The following CALN1 variants were observed in gnomAD, a reference collection of about 807,000 sequenced individuals.
The protein encoded by CALN1 is calcium-binding protein 8.
CALN1 carries 17 observed loss-of-function variants against 30.6 expected under a neutral mutation model. The observed-to-expected ratio is 0.56, with a 90% confidence interval of 0.38 to 0.83. The LOEUF is 0.83. CALN1 is among the 40% of genes least tolerant of loss of function. CALN1 has a pLI of 0.00. For missense variants in CALN1, 291 were observed against 354.9 expected, an observed-to-expected ratio of 0.82 and a Z score of 1.45; for synonymous variants, 156 against 131.4, an observed-to-expected ratio of 1.19 and a Z score of -1.28.
chr7:72,353,257 T>TCC (rs1803038169), intron 2 of CALN1, among the ~76,000 whole-genome samples: 1 of 151,686 alleles, frequency 6.6e-6, no homozygotes, highest in South Asian at 2.1e-4. Flanking sequence ...GGCTACTGTC[T>TCC]CTCTGTTATC....
At position 71,787,856 on chromosome 7, in the gene CALN1, G is replaced by C. The variant is rs759232948; in HGVS notation, c.705C>G (p.Leu235=). ...QNRQTCVRKS[L]ICAFAMAFII... ...TGAAGGCCATAGCAAAGGCGCATAT[G>C]AGGCTCTTCCGGACGCAGGTCTGTC... The change falls in exon 7 of 7, where the codon CTC becomes CTG. Residue 235 remains leucine, a synonymous_variant. Transcript: ENST00000395275. 3 of 1,614,050 alleles carry C rather than the reference G, an allele frequency of 1.9e-6. No individual in the cohort carries two copies. Among genetic ancestry groups the C allele is most frequent in the Non-Finnish European group, 1.7e-6 (2 of 1,180,042 alleles).
chr7:71,910,631 T>A (rs1021145694), intron 5 of CALN1, among the ~76,000 whole-genome samples: 7 of 152,182 alleles, frequency 4.6e-5, no homozygotes, highest in African/African-American at 1.7e-4. Context: ...CTCTAGAGAC[T>A]TTTGTTCTTG....
chr7:72,313,973 C>T (rs372456229), intron 2 of CALN1, among the ~76,000 whole-genome samples: 3 of 152,296 alleles, frequency 2.0e-5, no homozygotes, highest in East Asian at 3.9e-4. Context: ...ATGAGCCAGA[C>T]AACAGGGCAG....
chr7:72,376,378 T>A (rs374143889), intron 2 of CALN1, among the ~76,000 whole-genome samples: 11 of 152,336 alleles, frequency 7.2e-5, no homozygotes, highest in African/African-American at 2.4e-4. Context: ...TGTCTCCGCA[T>A]CCTTTCTGAA....
intron 6 of CALN1, among the ~76,000 whole-genome samples, chr7:71,804,943 A>G (rs1030531736): frequency 6.6e-6 from 1 of 152,208 alleles, no homozygotes; most frequent in Non-Finnish European, 1.5e-5. Context: ...CAACAAGAGC[A>G]AAACTCCATA....
At chr7:72,347,256 C>CT (rs909117302) in intron 2 of CALN1, among the ~76,000 whole-genome samples, 2 of 141,584 alleles carry the variant, frequency 1.4e-5, no homozygotes, top group Admixed American at 7.0e-5. Flanking sequence ...TTCCTTTTTT[C>CT]TTTTTTTTGA....
intron 3 of CALN1, among the ~76,000 whole-genome samples, chr7:72,168,481 A>C (rs917545652): frequency 2.0e-5 from 3 of 152,190 alleles, no homozygotes; most frequent in African/African-American, 7.2e-5. Flanking sequence ...TAAAATGTGG[A>C]TCTTTTAAAA....
Position 72,105,824 on chromosome 7 carries a change from GA to G in CALN1, c.388+326del, listed in dbSNP as rs1370551174. On this transcript the variant is annotated intron_variant, in intron 4 of 6. Transcript: ENST00000395275. ...GAGGGAGGAGGAGGAGGGGGAGGGAGAGGGGGATAGGGATGGGGATGAGGGA... is the reference window on the plus strand; with the variant it reads ...GAGGGAGGAGGAGGAGGGGGAGGGAGGGGGGATAGGGATGGGGATGAGGGA... Among the ~76,000 whole-genome samples the G allele has an allele frequency of 1.5e-3, 158 of 106,438 alleles. 1 individual carries two copies. The highest frequency in any genetic ancestry group is 4.5e-3 in the Middle Eastern group (1 of 222). The allele number at this position is 106,438 out of a possible 152,430, so 69.8% of individuals were successfully genotyped here. A position where few individuals can be genotyped will look rare whatever the true frequency, so the allele number is the denominator to read the frequency against.
At chr7:72,202,167 AT>A (rs1791484602) in intron 3 of CALN1, among the ~76,000 whole-genome samples, 1 of 152,222 alleles carries the variant, frequency 6.6e-6, no homozygotes, top group Admixed American at 6.5e-5. Context: ...ACCAAAAAGC[AT>A]TTAAATATCC....
chr7:71,884,395 C>T (rs994754590), intron 5 of CALN1, among the ~76,000 whole-genome samples: 34 of 152,094 alleles, frequency 2.2e-4, no homozygotes, highest in African/African-American at 7.0e-4. Context: ...CTGGACAGGG[C>T]GGACACATCA....
rs373640346 is a variant in CALN1, at chr7:72,262,300, A to G, written c.244+16386T>C. Reference sequence around the variant, plus strand: ...AAGGCCTGCATATGCAGCCATCTGCAGATGTTTCCCACATCGAAACCCAGG... The same window carrying G: ...AAGGCCTGCATATGCAGCCATCTGCGGATGTTTCCCACATCGAAACCCAGG... On this transcript the variant is annotated intron_variant, in intron 3 of 6. Coordinates refer to ENST00000395275, the MANE Select transcript of CALN1 (RefSeq NM_031468.4). 1.2e-4 allele frequency among the ~76,000 whole-genome samples: 18 copies of G among 152,366 alleles called. No individual in the cohort carries two copies. The East Asian group carries it at 1.9e-3, about 16-fold the overall frequency.
At chr7:72,291,986 A>G (rs1798511842) in intron 2 of CALN1, among the ~76,000 whole-genome samples, 2 of 151,676 alleles carry the variant, frequency 1.3e-5, no homozygotes, top group African/African-American at 4.9e-5. Context: ...TGGGTGACAG[A>G]ACAATACTCC....
intron 6 of CALN1, among the ~76,000 whole-genome samples, chr7:71,796,192 C>T (rs1405666510): frequency 2.0e-5 from 3 of 152,068 alleles, no homozygotes; most frequent in East Asian, 1.9e-4. Flanking sequence ...TTTATCCATT[C>T]GTAAGCTATA....
intron 5 of CALN1, among the ~76,000 whole-genome samples, chr7:71,907,669 G>A (rs924834023): frequency 2.6e-5 from 4 of 152,162 alleles, no homozygotes; most frequent in East Asian, 1.9e-4. Flanking sequence ...TTATAATAAC[G>A]ATAGTTGCCA....
At chr7:72,158,215 A>G (rs1787849993) in intron 3 of CALN1, among the ~76,000 whole-genome samples, 1 of 152,250 alleles carries the variant, frequency 6.6e-6, no homozygotes, top group African/African-American at 2.4e-5. Context: ...CATTATCATG[A>G]GAGATGCTGA....
rs757668770 is a variant in CALN1, at chr7:72,035,483, T to C, written c.389-11714A>G. On this transcript the variant is annotated intron_variant, in intron 4 of 6. Coordinates refer to ENST00000395275, the MANE Select transcript of CALN1 (RefSeq NM_031468.4). ...AATAAGGAGGAACTTACTTCTGTCA[T>C]TTTCCTATTTGTTTCCACATGCCTT... Among the ~76,000 whole-genome samples the C allele has an allele frequency of 9.8e-5, 15 of 152,354 alleles. 1 individual carries two copies. The South Asian group carries it at 1.0e-3, about 11-fold the overall frequency.
chr7:72,444,799 A>G (rs1368643819), intron 1 of CALN1, among the ~76,000 whole-genome samples: 1 of 152,188 alleles, frequency 6.6e-6, no homozygotes, highest in African/African-American at 2.4e-5. Context: ...TGTTACAGAC[A>G]GAGAAACTGA....
chr7:72,096,046 T>TAGATAGAC (rs1554438917), intron 4 of CALN1, among the ~76,000 whole-genome samples: 4 of 115,470 alleles, frequency 3.5e-5, no homozygotes, highest in African/African-American at 1.2e-4. Flanking sequence ...CTCTAAAAGA[T>TAGATAGAC]AGATAGATAG....
chr7:72,496,026 T>G, the CALN1 span, among the ~76,000 whole-genome samples: 2 of 152,210 alleles, frequency 1.3e-5, no homozygotes, highest in African/African-American at 2.4e-5. Flanking sequence ...GTTCAAGAGA[T>G]TCTCCTGCCT....
Sources: allele counts gnomAD v4.1 joint callset (sites outside exome capture counted in the v4.1 genomes callset), GRCh38; gene constraint gnomAD v4.1.1; transcripts MANE v1.5; gene names NCBI Gene and HGNC (gene_info 2026-07-23, HGNC 2026-07-21).